NTM: variants seen among roughly 807,000 people sequenced by gnomAD.
NTM encodes IgLON family member 2.
Under a neutral mutation model 42.1 loss-of-function variants are expected in NTM, and 13 were observed. That is an observed-to-expected ratio of 0.31 (90% CI 0.20 to 0.49). The LOEUF (loss-of-function observed/expected upper bound fraction) is 0.49, where lower values mean the gene tolerates loss of function less well. Ranked by LOEUF, NTM falls within the 20% of genes least tolerant of loss-of-function variation. The pLI is 0.99. For missense variants in NTM, 373 were observed against 452.8 expected (o/e 0.82, Z 1.60); for synonymous variants, 187 against 179.2 (o/e 1.04, Z -0.35).
chr11:131,456,586 G>C, intron 1 of NTM, among the ~76,000 whole-genome samples: 1 of 152,060 alleles, frequency 6.6e-6, no homozygotes, highest in Non-Finnish European at 1.5e-5. Context: ...CAAAGAGGGG[G>C]TTCAGCTCAG....
chr11:132,207,404 G>A (rs1005833459), intron 3 of NTM, among the ~76,000 whole-genome samples: 5 of 152,016 alleles, frequency 3.3e-5, no homozygotes, highest in African/African-American at 7.2e-5. Flanking sequence ...CCCCCAGATG[G>A]GACCCCCTAG....
chr11:131,827,604 A>G (rs2042288960), intron 1 of NTM, among the ~76,000 whole-genome samples: 1 of 152,184 alleles, frequency 6.6e-6, no homozygotes, highest in Non-Finnish European at 1.5e-5. Context: ...ACCTGAAGCC[A>G]TGAAACCACA....
At chr11:132,138,610 CT>C (rs2068454218) in intron 2 of NTM, among the ~76,000 whole-genome samples, 1 of 80,580 alleles carries the variant, frequency 1.2e-5, no homozygotes, top group Admixed American at 1.2e-4. Context: ...ATCTATCTAT[CT>C]ATCTATCTAT....
chr11:132,128,547 C>T (rs1277201312), intron 2 of NTM, among the ~76,000 whole-genome samples: 1 of 151,950 alleles, frequency 6.6e-6, no homozygotes, highest in Non-Finnish European at 1.5e-5. Context: ...AAAGAATCTT[C>T]CAGTGGGTTA....
chr11:131,527,065 T>A (rs79091628), intron 1 of NTM, among the ~76,000 whole-genome samples: 1 of 152,274 alleles, frequency 6.6e-6, no homozygotes, highest in African/African-American at 2.4e-5. Flanking sequence ...GGCAACCTCT[T>A]ACAAGTCTCA....
At chr11:132,135,144 T>C (rs777630289) in intron 2 of NTM, among the ~76,000 whole-genome samples, 4 of 152,104 alleles carry the variant, frequency 2.6e-5, no homozygotes, top group Non-Finnish European at 5.9e-5. Flanking sequence ...GACAGAAATG[T>C]TCTTGGCACT....
intron 2 of NTM, among the ~76,000 whole-genome samples, chr11:132,127,579 G>T (rs2066052890): frequency 6.6e-6 from 1 of 152,316 alleles, no homozygotes; most frequent in East Asian, 1.9e-4. Context: ...GCATGTGCTG[G>T]TCAACAGTAT....
intron 2 of NTM, among the ~76,000 whole-genome samples, chr11:132,124,982 C>G (rs545263745): frequency 1.3e-5 from 2 of 152,268 alleles, no homozygotes; most frequent in African/African-American, 2.4e-5. Context: ...TGGGTGCCAG[C>G]ATGACATCCA....
chr11:131,489,390 T>C (rs874548), intron 1 of NTM, among the ~76,000 whole-genome samples: 40,707 of 152,146 alleles, frequency 0.27, 5,735 homozygotes, highest in Admixed American at 0.36. Context: ...TAAAATATTA[T>C]GTGCCATTCA....
intron 2 of NTM, among the ~76,000 whole-genome samples, chr11:131,994,437 C>G (rs969408993): frequency 6.6e-6 from 1 of 152,176 alleles, no homozygotes; most frequent in African/African-American, 2.4e-5. Context: ...GGAGGGATAT[C>G]TAACCTCTCA....
At chr11:131,444,761 G>A (rs776324857) in intron 1 of NTM, among the ~76,000 whole-genome samples, 9 of 152,058 alleles carry the variant, frequency 5.9e-5, no homozygotes, top group Non-Finnish European at 1.0e-4. Context: ...GAGAAGTTGG[G>A]GTCAAGGATA....
At chr11:131,689,296 C>T (rs914526729) in intron 1 of NTM, among the ~76,000 whole-genome samples, 2 of 152,182 alleles carry the variant, frequency 1.3e-5, no homozygotes, top group African/African-American at 4.8e-5. Flanking sequence ...CCTGCCTTGC[C>T]TCCCCACCCA....
rs552988127 is a variant in NTM at position 131,560,956 on chromosome 11, C to T, written c.82+190068C>T. Among the ~76,000 whole-genome samples the T allele has an allele frequency of 9.2e-5, 14 of 152,294 alleles. No homozygotes were observed. In the South Asian group the frequency reaches 1.2e-3, roughly 14 times the overall value. ...TCCCATGCCCCCAGGCTGACCATCCCGGCTACCTACACATAGGGCAGCAAG... is the reference window on the plus strand; with the variant it reads ...TCCCATGCCCCCAGGCTGACCATCCTGGCTACCTACACATAGGGCAGCAAG... On this transcript the variant is annotated intron_variant, in intron 1 of 8. Coordinates refer to ENST00000683400, the MANE Select transcript of NTM (RefSeq NM_001352005.2).
chr11:132,247,432 A>G (rs1005029671), intron 4 of NTM, among the ~76,000 whole-genome samples: 2 of 152,334 alleles, frequency 1.3e-5, no homozygotes, highest in Middle Eastern at 3.4e-3. Flanking sequence ...TAAGCAAGCA[A>G]TCAGTGAGGA....
At chr11:131,700,721 G>A (rs1336101313) in intron 1 of NTM, among the ~76,000 whole-genome samples, 1 of 152,160 alleles carries the variant, frequency 6.6e-6, no homozygotes, top group Non-Finnish European at 1.5e-5. Context: ...TTATTCCCCT[G>A]AAACCTGCAA....
In NTM at chr11:132,329,861, C is replaced by T. The variant is rs534680957; in HGVS notation, c.935-292C>T. Among the ~76,000 whole-genome samples, 108 of 152,320 alleles carry T rather than the reference C, an allele frequency of 7.1e-4. 1 individual carries two copies. The highest frequency in any genetic ancestry group is 2.2e-3 in the African/African-American group (91 of 41,576). On this transcript the variant is annotated intron_variant, in intron 7 of 8. Coordinates refer to ENST00000683400, the MANE Select transcript of NTM (RefSeq NM_001352005.2). ...AGCTGTGTCACCTGCTAAAATCAGG[C>T]GGACATCTTGGCTCTGCTTCCATCT...
chr11:132,215,573 A>G (rs1358029375), intron 4 of NTM, among the ~76,000 whole-genome samples: 1 of 152,212 alleles, frequency 6.6e-6, no homozygotes, highest in African/African-American at 2.4e-5. Context: ...CCTGTGTAGC[A>G]CTTTATATCA....
chr11:131,383,169 A>G lies in NTM; in HGVS notation c.82+12281A>G, dbSNP rs370481733. On this transcript the variant is annotated intron_variant, in intron 1 of 8. Coordinates refer to ENST00000683400, the MANE Select transcript of NTM (RefSeq NM_001352005.2). ...AATGATACAGACATGACATCTCCAC[A>G]TCATTGAATCTAATGATAAAAGAAC... Among the ~76,000 whole-genome samples the G allele has an allele frequency of 3.0e-4, 45 of 152,348 alleles. No homozygotes were observed. In the East Asian group the frequency reaches 6.9e-3, roughly 23 times the overall value.
intron 1 of NTM, among the ~76,000 whole-genome samples, chr11:131,380,212 CTTT>C (rs34132358): frequency 7.2e-5 from 9 of 124,614 alleles, no homozygotes; most frequent in East Asian, 2.3e-4. Flanking sequence ...TCCTTTGAGT[CTTT>C]TTTTTTTTTT....
Sources: gnomAD v4.1 joint callset for allele counts (sites outside exome capture counted in the v4.1 genomes callset) on GRCh38, gnomAD v4.1.1 for gene constraint, MANE v1.5 for transcripts, NCBI Gene and HGNC (gene_info 2026-07-23, HGNC 2026-07-21) for gene names.